Variants in LYN observed in about 807,000 individuals in gnomAD.
LYN encodes the protein tyrosine-protein kinase Lyn.
Under a neutral mutation model 65.0 loss-of-function variants are expected in LYN, and 12 were observed. The observed-to-expected ratio is 0.18, with a 90% CI of 0.12 to 0.30. The LOEUF is 0.30. LYN is among the 10% of genes least tolerant of loss of function. The probability of loss-of-function intolerance (pLI) is 1.00; values close to 1 mark genes in which losing one functional copy is unlikely to be tolerated. For missense variants in LYN, 380 were observed against 623.2 expected (o/e 0.61, Z 4.16); for synonymous variants, 222 against 221.2 (o/e 1.00, Z -0.03).
chr8:56,004,159 C>T (rs1374245882), intron 12 of LYN, among the ~76,000 whole-genome samples: 5 of 150,826 alleles, frequency 3.3e-5, no homozygotes, highest in Admixed American at 1.3e-4. Flanking sequence ...CTTGAACTCC[C>T]GACCTCAGGT....
At chr8:55,969,866 T>A in intron 10 of LYN, 73 bp downstream of exon 10, 14 of 1,163,066 alleles carry the variant, frequency 1.2e-5, no homozygotes, top group Non-Finnish European at 1.7e-5. Flanking sequence ...ATGAAGGAGT[T>A]ATTGTTCCAG....
intron 1 of LYN, among the ~76,000 whole-genome samples, chr8:55,914,143 G>C (rs539812874): frequency 7.3e-4 from 111 of 151,958 alleles, no homozygotes; most frequent in Non-Finnish European, 1.3e-3. Context: ...AGAAAGAAGA[G>C]GGAATATGAA....
intron 12 of LYN, among the ~76,000 whole-genome samples, chr8:56,008,423 G>A (rs1358616177): frequency 2.0e-5 from 3 of 152,190 alleles, no homozygotes; most frequent in African/African-American, 7.2e-5. Context: ...TCATATGCCA[G>A]ATATTGTATA....
intron 8 of LYN, among the ~76,000 whole-genome samples, chr8:55,963,458 G>T (rs1416080686): frequency 6.6e-6 from 1 of 152,134 alleles, no homozygotes; most frequent in Non-Finnish European, 1.5e-5. Context: ...ATCCTTCATG[G>T]ACACCTTGGA....
chr8:55,909,641 G>A (rs1309700548), intron 1 of LYN, among the ~76,000 whole-genome samples: 1 of 152,146 alleles, frequency 6.6e-6, no homozygotes, highest in East Asian at 1.9e-4. Flanking sequence ...TGCATCAATG[G>A]TAGTTCCAGT....
At position 55,999,430 on chromosome 8, in the gene LYN, C is replaced by T; in HGVS notation, c.1217C>T (p.Pro406Leu). 1 of 1,613,984 alleles carries T rather than the reference C, an allele frequency of 6.2e-7. No individual in the cohort carries two copies. Among genetic ancestry groups the T allele is most frequent in the Non-Finnish European group, 8.5e-7 (1 of 1,179,910 alleles). The change falls in exon 12 of 13, where the codon CCT becomes CTT. Residue 406 changes from proline (P) to leucine (L), a missense_variant. Transcript: ENST00000519728. ...EYTAREGAKF[P>L]IKWTAPEAIN... ...TCTTCTTCCTTAGGTGCTAAGTTCC[C>T]TATTAAGTGGACGGCTCCAGAAGCA...
chr8:55,880,698 C>CG (rs1804628642), intron 1 of LYN, among the ~76,000 whole-genome samples: 1 of 152,228 alleles, frequency 6.6e-6, no homozygotes, highest in Admixed American at 6.5e-5. Flanking sequence ...CTGGAACTCA[C>CG]CCTCCCGCTG....
intron 1 of LYN, among the ~76,000 whole-genome samples, chr8:55,896,280 A>G (rs1245432121): frequency 6.6e-6 from 1 of 152,144 alleles, no homozygotes; most frequent in Admixed American, 6.6e-5. Context: ...CTGAAAAAAA[A>G]AGAAAAGAAA....
At chr8:55,964,461 T>C (rs1318135221) in intron 8 of LYN, among the ~76,000 whole-genome samples, 1 of 152,214 alleles carries the variant, frequency 6.6e-6, no homozygotes, top group African/African-American at 2.4e-5. Context: ...AAAAGAAACA[T>C]CATTGGATAG....
At chr8:55,973,561 C>T (rs1269598748) in intron 10 of LYN, among the ~76,000 whole-genome samples, 2 of 152,160 alleles carry the variant, frequency 1.3e-5, no homozygotes, top group Non-Finnish European at 2.9e-5. Context: ...GGGGTTAAAA[C>T]CAGTGGGGAT....
chr8:55,914,238 C>T (rs952265609), intron 1 of LYN, among the ~76,000 whole-genome samples: 5 of 151,340 alleles, frequency 3.3e-5, no homozygotes, highest in South Asian at 2.1e-4. Context: ...GGAGGTCGGC[C>T]GTGGAGTGGA....
chr8:55,989,552 A>G (rs898659767), intron 10 of LYN, among the ~76,000 whole-genome samples: 3 of 152,158 alleles, frequency 2.0e-5, no homozygotes, highest in Non-Finnish European at 2.9e-5. Context: ...GCCTACTCAC[A>G]TGGACACTCC....
chr8:55,901,375 G>A (rs1437637320), intron 1 of LYN, among the ~76,000 whole-genome samples: 6 of 152,174 alleles, frequency 3.9e-5, no homozygotes, highest in Admixed American at 3.3e-4. Flanking sequence ...GTCAGTGTAA[G>A]TGATGGTATT....
At chr8:55,947,773 G>A (rs375742628) in intron 4 of LYN, 50 bp downstream of exon 4, 1 of 1,262,840 alleles carries the variant, frequency 7.9e-7, no homozygotes, top group Non-Finnish European at 1.2e-6. Context: ...AGGCCACTGA[G>A]TCCTGCAGGC....
intron 1 of LYN, among the ~76,000 whole-genome samples, chr8:55,927,470 G>A (rs1001167474): frequency 1.3e-5 from 2 of 152,060 alleles, no homozygotes; most frequent in Non-Finnish European, 2.9e-5. Flanking sequence ...GATATAAAAT[G>A]GATAAATATT....
chr8:55,950,494 CA>C lies in LYN; in HGVS notation c.327del (p.Glu110LysfsTer15), dbSNP rs1266824391. On this transcript the variant is annotated frameshift_variant, in exon 5 of 13. Coordinates refer to ENST00000519728, the MANE Select transcript of LYN (RefSeq NM_002350.4). LOFTEE classifies it high-confidence loss of function. ...GEWWKAKSLL[T>X]KKEGFIPSNY... ...TGGTGGAAAGCAAAGTCCCTTTTAA[CA>C]AAAAAAGAAGGCTTCATCCCCAGCA... The C allele has an allele frequency of 1.2e-6, 2 of 1,612,648 alleles. No individual in the cohort carries two copies. The highest frequency in any genetic ancestry group is 8.5e-7 in the Non-Finnish European group (1 of 1,179,660).
chr8:55,934,421 T>C (rs1806365564), intron 1 of LYN, among the ~76,000 whole-genome samples: 1 of 152,258 alleles, frequency 6.6e-6, no homozygotes, highest in Admixed American at 6.5e-5. Flanking sequence ...GCTGCTGTGC[T>C]GTTTGGTAGA....
chr8:56,010,175 C>A lies in LYN; in HGVS notation c.*65C>A. 6.7e-7 allele frequency: 1 copy of A among 1,486,994 alleles called. No homozygotes were observed. Among genetic ancestry groups the A allele is most frequent in the Non-Finnish European group, 9.3e-7 (1 of 1,069,544 alleles). 92.1% of individuals were successfully genotyped at this position (1,486,994 alleles called of 1,614,324 possible). ...TCATTTAGAGAGGAAAAGTAACCAT[C>A]ACTGGTTGCACTTATGATTTCATGT... On this transcript the variant is annotated 3_prime_UTR_variant, in exon 13 of 13. Transcript: ENST00000519728.
chr8:55,966,812 C>G lies in LYN; in HGVS notation c.888C>G (p.Thr296=). The G allele has an allele frequency of 1.2e-6, 2 of 1,614,072 alleles. No homozygotes were observed. Among genetic ancestry groups the G allele is most frequent in the Non-Finnish European group, 1.7e-6 (2 of 1,179,996 alleles). The change falls in exon 9 of 13, where the codon ACC becomes ACG. Residue 296 remains threonine (T), a synonymous_variant. Coordinates refer to ENST00000519728, the MANE Select transcript of LYN (RefSeq NM_002350.4). ...AFLEEANLMK[T]LQHDKLVRLY... Reference sequence around the variant, plus strand: ...TGGAAGAAGCCAACCTCATGAAGACCCTGCAGCATGACAAGCTCGTGAGGC... The same window carrying G: ...TGGAAGAAGCCAACCTCATGAAGACGCTGCAGCATGACAAGCTCGTGAGGC...
Sources: gnomAD v4.1 joint callset for allele counts (sites outside exome capture counted in the v4.1 genomes callset) on GRCh38, gnomAD v4.1.1 for gene constraint, MANE v1.5 for transcripts, NCBI Gene and HGNC (gene_info 2026-07-23, HGNC 2026-07-21) for gene names.